Variants in EPHA5 observed in about 807,000 individuals in gnomAD.
EPHA5 encodes the protein ephrin type-A receptor 5.
In EPHA5, 60 loss-of-function variants were observed where a neutral mutation model predicts 105.0. The ratio of observed to expected loss-of-function variants is 0.57; its 90% CI spans 0.46 to 0.71. The LOEUF (loss-of-function observed/expected upper bound fraction) is 0.71. Among genes scored for constraint, EPHA5 ranks in the 30% least tolerant of loss-of-function variants. The probability of loss-of-function intolerance (pLI) is 0.00; values close to 1 mark genes in which losing one functional copy is unlikely to be tolerated. For missense variants in EPHA5, 1,218 were observed against 1,274.7 expected (o/e 0.96, Z 0.68); for synonymous variants, 513 against 449.1 (o/e 1.14, Z -1.80).
At chr4:65,518,435 C>CCA (rs945038893) in intron 3 of EPHA5, among the ~76,000 whole-genome samples, 1 of 150,044 alleles carries the variant, frequency 6.7e-6, no homozygotes, top group South Asian at 2.1e-4. Context: ...ACACACACAC[C>CCA]CACACACACA....
chr4:65,620,825 A>G (rs554148961), intron 2 of EPHA5, among the ~76,000 whole-genome samples: 1 of 152,308 alleles, frequency 6.6e-6, no homozygotes, highest in Non-Finnish European at 1.5e-5. Context: ...CCGGTAACTT[A>G]AAGAATCAGA....
At chr4:65,579,358 G>A (rs866295235) in intron 3 of EPHA5, among the ~76,000 whole-genome samples, 9 of 142,794 alleles carry the variant, frequency 6.3e-5, no homozygotes, top group African/African-American at 1.3e-4. Flanking sequence ...ATGTATGTGT[G>A]TATATATATA....
At chr4:65,508,418 G>C (rs1733281721) in intron 3 of EPHA5, among the ~76,000 whole-genome samples, 1 of 152,048 alleles carries the variant, frequency 6.6e-6, no homozygotes, top group Admixed American at 6.6e-5. Flanking sequence ...TCTTGGCCTT[G>C]ATTGCTAAGA....
intron 3 of EPHA5, among the ~76,000 whole-genome samples, chr4:65,598,723 G>T (rs1308366136): frequency 6.6e-6 from 1 of 152,136 alleles, no homozygotes; most frequent in Non-Finnish European, 1.5e-5. Context: ...AGATCTGAAG[G>T]ATTAGTGTAT....
intron 5 of EPHA5, among the ~76,000 whole-genome samples, chr4:65,460,597 A>G (rs1288164125): frequency 6.6e-6 from 1 of 151,564 alleles, no homozygotes; most frequent in Non-Finnish European, 1.5e-5. Flanking sequence ...ATTTTATATA[A>G]TATATAGGCA....
At chr4:65,522,460 A>T (rs1734846633) in intron 3 of EPHA5, among the ~76,000 whole-genome samples, 3 of 151,700 alleles carry the variant, frequency 2.0e-5, no homozygotes, top group Non-Finnish European at 4.4e-5. Context: ...AGCAATCCTG[A>T]CCCTTCTTCA....
intron 2 of EPHA5, among the ~76,000 whole-genome samples, chr4:65,630,604 T>C (rs1439505000): frequency 6.6e-6 from 1 of 152,170 alleles, no homozygotes; most frequent in Non-Finnish European, 1.5e-5. Flanking sequence ...TTTCCTTTCA[T>C]TCCTGCTCTA....
chr4:65,592,899 T>C (rs1263083286), intron 3 of EPHA5, among the ~76,000 whole-genome samples: 1 of 152,122 alleles, frequency 6.6e-6, no homozygotes. Flanking sequence ...TAGACAAAAT[T>C]TGGTCCCAAT....
intron 3 of EPHA5, among the ~76,000 whole-genome samples, chr4:65,519,530 C>T (rs952974161): frequency 2.6e-5 from 4 of 151,756 alleles, no homozygotes; most frequent in African/African-American, 9.7e-5. Flanking sequence ...CTGGCCAGGG[C>T]AATTAGGCAG....
Position 65,580,881 on chromosome 4 carries a change from T to C in EPHA5, c.910+20760A>G, listed in dbSNP as rs371233489. Among the ~76,000 whole-genome samples, 42 of 151,744 alleles carry C rather than the reference T, an allele frequency of 2.8e-4. 1 individual carries two copies. The South Asian group carries it at 6.8e-3, about 25-fold the overall frequency. On this transcript the variant is annotated intron_variant, in intron 3 of 16. Coordinates refer to ENST00000613740, the MANE Select transcript of EPHA5 (RefSeq NM_001281766.3). ...TGTGTTAAAGACATATTTAAAAGAC[T>C]AGCAATGGGATTAGACAGATGAATC...
chr4:65,641,632 T>C (rs961601398), intron 2 of EPHA5, among the ~76,000 whole-genome samples: 1 of 152,124 alleles, frequency 6.6e-6, no homozygotes, highest in African/African-American at 2.4e-5. Context: ...AGTGATACAA[T>C]ACAAAACATA....
At chr4:65,609,982 A>G (rs1196546529) in intron 2 of EPHA5, among the ~76,000 whole-genome samples, 1 of 152,148 alleles carries the variant, frequency 6.6e-6, no homozygotes, top group African/African-American at 2.4e-5. Context: ...ATGATCAAAG[A>G]TGTCATAAAC....
At chr4:65,557,166 G>A (rs4860185) in intron 3 of EPHA5, among the ~76,000 whole-genome samples, 29,740 of 145,922 alleles carry the variant, frequency 0.2, 3,214 homozygotes, top group South Asian at 0.26. Context: ...ACCAGATTTG[G>A]GGACGGGGCA....
intron 3 of EPHA5, among the ~76,000 whole-genome samples, chr4:65,587,713 A>G (rs907486900): frequency 3.3e-5 from 5 of 152,124 alleles, no homozygotes; most frequent in African/African-American, 1.2e-4. Flanking sequence ...AGACATTCTT[A>G]CGCATTCTTT....
At chr4:65,351,819 T>C (rs536760461) in intron 12 of EPHA5, among the ~76,000 whole-genome samples, 1 of 152,170 alleles carries the variant, frequency 6.6e-6, no homozygotes, top group African/African-American at 2.4e-5. Context: ...TTGAAAACCC[T>C]GGCCAAAAAT....
chr4:65,619,503 A>G (rs78106622), intron 2 of EPHA5, among the ~76,000 whole-genome samples: 5,760 of 152,258 alleles, frequency 0.038, 361 homozygotes, highest in African/African-American at 0.13. Flanking sequence ...AGGAATATAT[A>G]ACTACAAAAC....
chr4:65,447,827 A>C, intron 5 of EPHA5, among the ~76,000 whole-genome samples: 1 of 152,106 alleles, frequency 6.6e-6, no homozygotes, highest in East Asian at 1.9e-4. Context: ...ATTACAACAA[A>C]ATGACAAATT....
intron 2 of EPHA5, among the ~76,000 whole-genome samples, chr4:65,622,299 C>T (rs572401322): frequency 9.2e-5 from 14 of 152,052 alleles, no homozygotes; most frequent in East Asian, 1.9e-4. Context: ...TTAGAAATAA[C>T]GGTAAATTCA....
chr4:65,618,331 T>C (rs1052435048), intron 2 of EPHA5, among the ~76,000 whole-genome samples: 3 of 152,154 alleles, frequency 2.0e-5, no homozygotes, highest in African/African-American at 7.2e-5. Flanking sequence ...ATGTAAATGG[T>C]ATCAAAAGAC....
Sources: allele counts gnomAD v4.1 joint callset (sites outside exome capture counted in the v4.1 genomes callset), GRCh38; gene constraint gnomAD v4.1.1; transcripts MANE v1.5; gene names NCBI Gene and HGNC (gene_info 2026-07-23, HGNC 2026-07-21).